Variants in SUCLG2 observed in about 807,000 individuals in gnomAD.
SUCLG2 encodes the protein succinate-CoA ligase GDP-forming subunit beta.
In SUCLG2, 42 loss-of-function variants were observed where a neutral mutation model predicts 47.9. The observed-to-expected ratio is 0.88, with a 90% CI of 0.69 to 1.14. The LOEUF is 1.14. Ranked by LOEUF, SUCLG2 falls within the 50% of genes most tolerant of loss-of-function variation. The pLI is 0.00. For missense variants in SUCLG2, 571 were observed against 525.9 expected, an observed-to-expected ratio of 1.09 and a Z score of -0.84; for synonymous variants, 195 against 197.3, an observed-to-expected ratio of 0.99 and a Z score of 0.10.
intron 9 of SUCLG2, among the ~76,000 whole-genome samples, chr3:67,490,079 G>A (rs1705167824): frequency 6.6e-6 from 1 of 152,098 alleles, no homozygotes; most frequent in Non-Finnish European, 1.5e-5. Context: ...TTTTGATGGA[G>A]CCCTGGAAGC....
chr3:67,526,198 A>T (rs1706251490), intron 4 of SUCLG2, among the ~76,000 whole-genome samples: 1 of 152,188 alleles, frequency 6.6e-6, no homozygotes, highest in African/African-American at 2.4e-5. Context: ...AGGGATGTCC[A>T]ATATTTTGGC....
chr3:67,454,421 G>GAAA (rs1704132242), intron 9 of SUCLG2, among the ~76,000 whole-genome samples: 1 of 99,374 alleles, frequency 1.0e-5, no homozygotes, highest in Non-Finnish European at 2.2e-5. Context: ...AAAAATAGAA[G>GAAA]GTGAAATAAT....
chr3:67,615,652 G>A (rs988660591), intron 1 of SUCLG2, among the ~76,000 whole-genome samples: 34 of 85,900 alleles, frequency 4.0e-4, no homozygotes, highest in African/African-American at 1.5e-3. Context: ...ACACACACAC[G>A]AGATCTGATG....
intron 2 of SUCLG2, among the ~76,000 whole-genome samples, chr3:67,540,915 G>A (rs982431166): frequency 2.0e-5 from 3 of 152,214 alleles, no homozygotes; most frequent in African/African-American, 7.2e-5. Flanking sequence ...AGGTTCTGTA[G>A]TGGACCGCCA....
At chr3:67,476,268 T>C (rs903473209) in intron 9 of SUCLG2, among the ~76,000 whole-genome samples, 1 of 152,020 alleles carries the variant, frequency 6.6e-6, no homozygotes, top group African/African-American at 2.4e-5. Flanking sequence ...TTCATCTGTA[T>C]GTACAGCTGC....
In SUCLG2 at chr3:67,498,257, C is replaced by T. The variant is rs757336447; in HGVS notation, c.796G>A (p.Ala266Thr). 16 of 1,613,516 alleles carry T rather than the reference C, an allele frequency of 9.9e-6. No homozygotes were observed. Among genetic ancestry groups the T allele is most frequent in the East Asian group, 2.2e-5 (1 of 44,848 alleles). Reference protein sequence around the residue: ...FDAKINFDDNAEFRQKDIFAM... With the variant: ...FDAKINFDDNTEFRQKDIFAM... ...AATATGTCTTTTTGTCGGAATTCTG[C>T]GTTGTCATCAAAGTTTATCTTGGCA... is the stretch of plus-strand genomic sequence containing the variant. Residue 266 changes from alanine to threonine, a missense_variant, in exon 8 of 11, where the codon GCA becomes ACA. By Grantham distance (58) the Ala-to-Thr change is moderately conservative (BLOSUM62 0). Transcript: ENST00000307227.
At chr3:67,618,397 A>G (rs7648409) in intron 1 of SUCLG2, among the ~76,000 whole-genome samples, 70,975 of 151,942 alleles carry the variant, frequency 0.47, 17,078 homozygotes, top group African/African-American at 0.57. Context: ...CCAGCCTGGC[A>G]ACAGAACAAA....
chr3:67,621,221 T>A (rs1433402999), intron 1 of SUCLG2, among the ~76,000 whole-genome samples: 1 of 151,936 alleles, frequency 6.6e-6, no homozygotes, highest in East Asian at 1.9e-4. Flanking sequence ...TCAACTAGAC[T>A]ATAGAGAAGG....
intron 2 of SUCLG2, among the ~76,000 whole-genome samples, chr3:67,593,609 C>T (rs2107282764): frequency 6.6e-6 from 1 of 152,288 alleles, no homozygotes; most frequent in Admixed American, 6.5e-5. Flanking sequence ...ATAATGACAG[C>T]TGATCTCTTT....
intron 9 of SUCLG2, among the ~76,000 whole-genome samples, chr3:67,491,514 G>A (rs921211014): frequency 6.6e-6 from 1 of 152,010 alleles, no homozygotes; most frequent in Non-Finnish European, 1.5e-5. Context: ...ATAGGTGCCT[G>A]CAACCACGCC....
intron 2 of SUCLG2, among the ~76,000 whole-genome samples, chr3:67,594,056 C>T (rs1052309546): frequency 1.3e-5 from 2 of 152,144 alleles, no homozygotes; most frequent in African/African-American, 4.8e-5. Context: ...CCCACAAGTC[C>T]GAGGAGGATG....
chr3:67,456,194 T>C (rs1407044979), intron 9 of SUCLG2, among the ~76,000 whole-genome samples: 1 of 152,164 alleles, frequency 6.6e-6, no homozygotes, highest in Non-Finnish European at 1.5e-5. Flanking sequence ...CTGGCCTTCC[T>C]CCTCCCTTGA....
chr3:67,576,779 G>A (rs1012997190), intron 2 of SUCLG2, among the ~76,000 whole-genome samples: 2 of 152,216 alleles, frequency 1.3e-5, no homozygotes, highest in Admixed American at 6.5e-5. Context: ...GGTTGGAGGC[G>A]AAAAGCATGT....
intron 7 of SUCLG2, among the ~76,000 whole-genome samples, chr3:67,506,244 TGAA>T (rs1705635439): frequency 6.6e-6 from 1 of 152,198 alleles, no homozygotes; most frequent in East Asian, 1.9e-4. Context: ...GTGATAATGA[TGAA>T]GATCAATTTG....
At chr3:67,518,212 A>G in intron 6 of SUCLG2, 35 bp downstream of exon 6, 1 of 1,540,812 alleles carries the variant, frequency 6.5e-7, no homozygotes. Flanking sequence ...TTTCTGAAAC[A>G]AGTCAGACAC....
intron 9 of SUCLG2, among the ~76,000 whole-genome samples, chr3:67,444,801 C>T (rs1476815149): frequency 6.5e-5 from 1 of 15,498 alleles, no homozygotes; most frequent in African/African-American, 3.0e-4. Flanking sequence ...CCAGCCGCCC[C>T]GTCCGGGAGG....
intron 9 of SUCLG2, among the ~76,000 whole-genome samples, chr3:67,475,405 T>A (rs1166466762): frequency 6.6e-6 from 1 of 152,170 alleles, no homozygotes; most frequent in African/African-American, 2.4e-5. Flanking sequence ...AAGTTCTGAT[T>A]AAAGGCGAAT....
intron 1 of SUCLG2, among the ~76,000 whole-genome samples, chr3:67,652,498 T>C (rs796856087): frequency 6.6e-6 from 1 of 152,166 alleles, no homozygotes; most frequent in African/African-American, 2.4e-5. Flanking sequence ...CAAATCAGTG[T>C]ACATGAAACA....
chr3:67,540,949 CTGT>C (rs1252495527), intron 2 of SUCLG2, among the ~76,000 whole-genome samples: 1 of 152,200 alleles, frequency 6.6e-6, no homozygotes, highest in Non-Finnish European at 1.5e-5. Flanking sequence ...GAAATGTAGA[CTGT>C]AGCAGAGGGG....
Sources: gnomAD v4.1 joint callset for allele counts (sites outside exome capture counted in the v4.1 genomes callset) on GRCh38, gnomAD v4.1.1 for gene constraint, MANE v1.5 for transcripts, NCBI Gene and HGNC (gene_info 2026-07-23, HGNC 2026-07-21) for gene names.